ATG5: variants seen among roughly 807,000 people sequenced by gnomAD.
ATG5 encodes autophagy related 5.
ATG5 carries 14 observed loss-of-function variants against 36.5 expected under a neutral mutation model. The observed-to-expected ratio is 0.38, with a 90% CI of 0.25 to 0.60. The LOEUF (loss-of-function observed/expected upper bound fraction) is 0.60, where lower values mean the gene tolerates loss of function less well. ATG5 is among the 20% of genes least tolerant of loss of function. The pLI is 0.60. For synonymous variants in ATG5, 95 were observed against 101.5 expected, an observed-to-expected ratio of 0.94 and a Z score of 0.38; for missense variants, 195 against 326.7, an observed-to-expected ratio of 0.60 and a Z score of 3.11.
chr6:106,205,862 T>A (rs536713980), intron 6 of ATG5, among the ~76,000 whole-genome samples: 1 of 152,238 alleles, frequency 6.6e-6, no homozygotes, highest in Non-Finnish European at 1.5e-5. Context: ...TTGTTTCTCA[T>A]TTAATGAAAA....
At chr6:106,284,555 AT>A (rs138172635) in intron 4 of ATG5, among the ~76,000 whole-genome samples, 12,540 of 152,074 alleles carry the variant, frequency 0.082, 536 homozygotes, top group South Asian at 0.13. Flanking sequence ...AGTTCTCGTT[AT>A]GTTGACCACA....
At position 106,214,414 on chromosome 6, in the gene ATG5, T is replaced by C. The variant is rs892322864; in HGVS notation, c.574-12325A>G. 5.3e-5 allele frequency among the ~76,000 whole-genome samples: 8 copies of C among 152,278 alleles called. No homozygotes were observed. In the South Asian group the frequency reaches 1.2e-3, roughly 24 times the overall value. On this transcript the variant is annotated intron_variant, in intron 6 of 7. Coordinates refer to ENST00000369076, the MANE Select transcript of ATG5 (RefSeq NM_004849.4). ...TGAAAATAAGCACTTTCTGTACTTATGTTGAGAGTCTGAAGCCCACTTTTA... is the reference window on the plus strand; with the variant it reads ...TGAAAATAAGCACTTTCTGTACTTACGTTGAGAGTCTGAAGCCCACTTTTA...
intron 5 of ATG5, among the ~76,000 whole-genome samples, chr6:106,251,534 A>T (rs1471716965): frequency 6.7e-6 from 1 of 148,664 alleles, no homozygotes; most frequent in African/African-American, 2.5e-5. Flanking sequence ...ATAAAAAAAA[A>T]ATCTGTATTA....
At chr6:106,199,043 C>A (rs1776317131) in intron 7 of ATG5, among the ~76,000 whole-genome samples, 1 of 152,100 alleles carries the variant, frequency 6.6e-6, no homozygotes. Flanking sequence ...GAATTAAAAT[C>A]ATCATGAGAT....
intron 5 of ATG5, among the ~76,000 whole-genome samples, chr6:106,274,418 A>G (rs1475857054): frequency 6.6e-6 from 1 of 152,164 alleles, no homozygotes; most frequent in Non-Finnish European, 1.5e-5. Flanking sequence ...TTTCTCTTTC[A>G]CAGAGTTCTG....
intron 5 of ATG5, among the ~76,000 whole-genome samples, chr6:106,253,579 T>A (rs1778682084): frequency 6.6e-6 from 1 of 152,276 alleles, no homozygotes; most frequent in Middle Eastern, 3.4e-3. Flanking sequence ...CAATATATAT[T>A]TAGACTGCAA....
At chr6:106,203,022 C>T (rs1776497008) in intron 6 of ATG5, among the ~76,000 whole-genome samples, 1 of 151,970 alleles carries the variant, frequency 6.6e-6, no homozygotes, top group Non-Finnish European at 1.5e-5. Context: ...AAGAGAGAGA[C>T]AGAGAATGTG....
At chr6:106,206,838 G>A (rs931654606) in intron 6 of ATG5, among the ~76,000 whole-genome samples, 3 of 152,116 alleles carry the variant, frequency 2.0e-5, no homozygotes, top group East Asian at 1.9e-4. Context: ...TCATTAGCCC[G>A]ATGTTAGAGC....
chr6:106,197,115 G>A (rs1776226652), intron 7 of ATG5, among the ~76,000 whole-genome samples: 1 of 152,146 alleles, frequency 6.6e-6, no homozygotes, highest in African/African-American at 2.4e-5. Flanking sequence ...AAAGTTTTGG[G>A]TTTCATTGCA....
intron 3 of ATG5, among the ~76,000 whole-genome samples, chr6:106,304,931 C>T (rs936504154): frequency 6.6e-6 from 1 of 151,884 alleles, no homozygotes; most frequent in Non-Finnish European, 1.5e-5. Context: ...GTCTCTACTA[C>T]AAATACAAAA....
intron 6 of ATG5, among the ~76,000 whole-genome samples, chr6:106,237,629 C>T (rs1047339159): frequency 5.3e-5 from 8 of 152,166 alleles, no homozygotes; most frequent in African/African-American, 1.9e-4. Context: ...TTAAAAATCA[C>T]TCTACATCCC....
At position 106,225,430 on chromosome 6, in the gene ATG5, AT is replaced by A. The variant is rs1348210915; in HGVS notation, c.573+22719del. On this transcript the variant is annotated intron_variant, in intron 6 of 7. Transcript: ENST00000369076. ...TGCAATACTCATGTTCTTAAGCAATATACTGAGTTGAAATTTTTATATTTTA... is the reference window on the plus strand; with the variant it reads ...TGCAATACTCATGTTCTTAAGCAATAACTGAGTTGAAATTTTTATATTTTA... Among the ~76,000 whole-genome samples, 839 of 152,336 alleles carry A rather than the reference AT, an allele frequency of 5.5e-3. 1 individual carries two copies. The highest frequency in any genetic ancestry group is 0.019 in the African/African-American group (806 of 41,590).
At chr6:106,199,561 G>A (rs1003905594) in intron 7 of ATG5, among the ~76,000 whole-genome samples, 1 of 152,184 alleles carries the variant, frequency 6.6e-6, no homozygotes, top group Admixed American at 6.5e-5. Flanking sequence ...CAGTGGAGCA[G>A]AGATTAGCTA....
intron 1 of ATG5, among the ~76,000 whole-genome samples, chr6:106,324,296 G>C (rs766168826): frequency 6.6e-6 from 1 of 152,078 alleles, no homozygotes; most frequent in South Asian, 2.1e-4. Context: ...GTTGTATTGC[G>C]CATTATAAAT....
chr6:106,287,446 G>A (rs1780123279), intron 4 of ATG5, among the ~76,000 whole-genome samples: 1 of 152,208 alleles, frequency 6.6e-6, no homozygotes, highest in South Asian at 2.1e-4. Context: ...GCATTCAGCA[G>A]AGTTCAGCAC....
Position 106,230,532 on chromosome 6 carries a change from A to G in ATG5, c.573+17618T>C, listed in dbSNP as rs1777640201. Among the ~76,000 whole-genome samples, 6 of 152,280 alleles carry G rather than the reference A, an allele frequency of 3.9e-5. No individual in the cohort carries two copies. In the South Asian group the frequency reaches 1.0e-3, roughly 26 times the overall value. On this transcript the variant is annotated intron_variant, in intron 6 of 7. Transcript: ENST00000369076. ...ATCAGTGAGCATAACTAATCCGATA[A>G]GCAGAGGTCCATGGGTGGTTACACA...
intron 5 of ATG5, among the ~76,000 whole-genome samples, chr6:106,263,242 G>A (rs538905869): frequency 1.8e-4 from 27 of 152,170 alleles, no homozygotes; most frequent in African/African-American, 4.1e-4. Context: ...TGGACTGAGC[G>A]GAATTCACCA....
At chr6:106,269,466 G>C (rs1180390284) in intron 5 of ATG5, among the ~76,000 whole-genome samples, 3 of 152,258 alleles carry the variant, frequency 2.0e-5, no homozygotes, top group African/African-American at 7.2e-5. Flanking sequence ...GGCGGCACTC[G>C]TCAGGGAGGC....
chr6:106,204,546 C>G (rs67331109), intron 6 of ATG5, among the ~76,000 whole-genome samples: 3,420 of 152,220 alleles, frequency 0.022, 55 homozygotes, highest in Middle Eastern at 0.068. Context: ...AATCCCCACC[C>G]GTCTAGGGAG....
Sources: allele counts gnomAD v4.1 joint callset (sites outside exome capture counted in the v4.1 genomes callset), GRCh38; gene constraint gnomAD v4.1.1; transcripts MANE v1.5; gene names NCBI Gene and HGNC (gene_info 2026-07-23, HGNC 2026-07-21).